The following IMPA2 variants were observed in gnomAD, a reference collection of about 807,000 sequenced individuals.
IMPA2 encodes the protein IMP 2.
IMPA2 carries 32 observed loss-of-function variants against 35.1 expected under a neutral mutation model. The observed-to-expected ratio is 0.91, with a 90% CI of 0.69 to 1.23. The LOEUF is 1.23. Ranked by LOEUF, IMPA2 falls within the 50% of genes most tolerant of loss-of-function variation. IMPA2 has a pLI of 0.00. For missense variants in IMPA2, 334 were observed against 387.6 expected, an observed-to-expected ratio of 0.86 and a Z score of 1.16; for synonymous variants, 135 against 160.6, an observed-to-expected ratio of 0.84 and a Z score of 1.20.
intron 7 of IMPA2, 45 bp from the exon 8 acceptor site, chr18:12,030,298 C>T: frequency 7.0e-7 from 1 of 1,429,428 alleles, no homozygotes; most frequent in Non-Finnish European, 9.9e-7. Context: ...ATTGTTCAGC[C>T]CTCTCTGGTA....
At chr18:12,014,035 T>C (rs1324853393) in intron 4 of IMPA2, among the ~76,000 whole-genome samples, 1 of 152,240 alleles carries the variant, frequency 6.6e-6, no homozygotes, top group Admixed American at 6.5e-5. Flanking sequence ...TGTCTGAATA[T>C]ATTTTAAAAT....
rs776707069 is a variant in IMPA2 at position 12,010,843 on chromosome 18, A to T, written c.335+856A>T. Among the ~76,000 whole-genome samples, 1 of 152,198 alleles carries T rather than the reference A, an allele frequency of 6.6e-6. No individual in the cohort carries two copies. The highest frequency in any genetic ancestry group is 2.4e-5 in the African/African-American group (1 of 41,454). On this transcript the variant is annotated intron_variant, in intron 3 of 7. Transcript: ENST00000269159. This position sits in a 1 kb window ranked among gnomAD's most constrained non-coding sequence, Gnocchi z 4.8. ...TATATGTAAAACATGAAGTTATTCC[A>T]TGCTAAGCACAGCCTTTTTCTAGGT...
intron 6 of IMPA2, 101 bp downstream of exon 6, chr18:12,028,252 G>C: frequency 1.3e-6 from 1 of 741,942 alleles, no homozygotes. Flanking sequence ...AGCCTGACGT[G>C]GAAAGAGTGG....
rs541552888 is a variant in IMPA2, at chr18:11,999,952, C to T, written c.230+765C>T. Reference sequence around the variant, plus strand: ...CCTCTAGAGTTCTGCAGTATAAATGCTGAAGACCATGCAAGGGATCTTTTT... The same window carrying T: ...CCTCTAGAGTTCTGCAGTATAAATGTTGAAGACCATGCAAGGGATCTTTTT... On this transcript the variant is annotated intron_variant, in intron 2 of 7. Coordinates refer to ENST00000269159, the MANE Select transcript of IMPA2 (RefSeq NM_014214.3). Among the ~76,000 whole-genome samples the T allele has an allele frequency of 6.6e-5, 10 of 152,308 alleles. No homozygotes were observed. The East Asian group carries it at 1.9e-3, about 29-fold the overall frequency.
In IMPA2 at chr18:12,028,145, C is replaced by A; in HGVS notation, c.593C>A (p.Ala198Glu). ...SNMERLLHAK[A>E]HGVRVIGSST... ...ATGGAGCGGCTGCTGCATGCCAAGG[C>A]GCATGGGTAGGAGGTTCAGTTCGGG... The change falls in exon 6 of 8, where the codon GCG becomes GAG. Residue 198 changes from alanine to glutamate, a missense_variant. Physicochemically the swap from Ala to Glu is moderately radical, Grantham distance 107. Transcript: ENST00000269159. 1 of 1,607,326 alleles carries A rather than the reference C, an allele frequency of 6.2e-7. No homozygotes were observed. The highest frequency in any genetic ancestry group is 8.5e-7 in the Non-Finnish European group (1 of 1,173,920).
At position 12,010,205 on chromosome 18, in the gene IMPA2, G is replaced by C. The variant is rs1484939266; in HGVS notation, c.335+218G>C. Reference sequence around the variant, plus strand: ...GGAGTATGTTAGGAAATCTGCACTTGTTTAAAAACCAGTTTGTTATGTTAA... The same window carrying C: ...GGAGTATGTTAGGAAATCTGCACTTCTTTAAAAACCAGTTTGTTATGTTAA... On this transcript the variant is annotated intron_variant, in intron 3 of 7. Transcript: ENST00000269159. This position sits in a 1 kb window ranked among gnomAD's most constrained non-coding sequence, Gnocchi z 4.8. 7 of 475,558 alleles carry C rather than the reference G, an allele frequency of 1.5e-5. No homozygotes were observed. The highest frequency in any genetic ancestry group is 2.2e-5 in the Non-Finnish European group (6 of 269,142). 29.5% of individuals were successfully genotyped at this position (475,558 alleles called of 1,614,324 possible).
intron 5 of IMPA2, among the ~76,000 whole-genome samples, chr18:12,027,287 C>T (rs1388478951): frequency 6.6e-6 from 1 of 152,192 alleles, no homozygotes; most frequent in African/African-American, 2.4e-5. Flanking sequence ...TCACGTCCTG[C>T]CCTGAGCCAG....
chr18:12,027,086 G>A (rs551231785), intron 5 of IMPA2, among the ~76,000 whole-genome samples: 5 of 152,362 alleles, frequency 3.3e-5, no homozygotes, highest in African/African-American at 1.2e-4. Context: ...TAATGTGATA[G>A]GATTTGTTTC....
intron 1 of IMPA2, chr18:11,993,921 T>G (rs1906884530): frequency 6.6e-6 from 1 of 152,118 alleles, no homozygotes; most frequent in South Asian, 2.1e-4. Flanking sequence ...TGAGGCCAGG[T>G]CTAGTGGAAG....
At chr18:11,997,711 G>A (rs77735308) in intron 1 of IMPA2, among the ~76,000 whole-genome samples, 510 of 152,282 alleles carry the variant, frequency 3.3e-3, no homozygotes, top group African/African-American at 0.011. Context: ...ATCAGAAGAC[G>A]TGATGGATGT....
chr18:12,026,034 A>ATT (rs35644462), intron 5 of IMPA2, among the ~76,000 whole-genome samples: 3 of 109,864 alleles, frequency 2.7e-5, no homozygotes, highest in African/African-American at 3.3e-5. Flanking sequence ...TCAAAAGAGC[A>ATT]TTTTTTTTTT....
At chr18:12,016,189 G>A (rs1907573666) in intron 5 of IMPA2, among the ~76,000 whole-genome samples, 1 of 152,222 alleles carries the variant, frequency 6.6e-6, no homozygotes, top group Non-Finnish European at 1.5e-5. Flanking sequence ...GTTCCCTACA[G>A]TACCTGTCTC....
intron 5 of IMPA2, among the ~76,000 whole-genome samples, chr18:12,020,175 TATTTATTG>T (rs1907688626): frequency 6.7e-6 from 1 of 148,998 alleles, no homozygotes; most frequent in Admixed American, 6.7e-5. Flanking sequence ...ACTCGGCCTT[TATTTATTG>T]ATTGATTGAT....
chr18:12,016,710 C>T (rs1029632050), intron 5 of IMPA2, among the ~76,000 whole-genome samples: 1 of 152,184 alleles, frequency 6.6e-6, no homozygotes, highest in Non-Finnish European at 1.5e-5. Context: ...TGAGCCACCA[C>T]ACCTGGCCGA....
chr18:12,018,955 C>T (rs565525903), intron 5 of IMPA2, among the ~76,000 whole-genome samples: 192 of 152,172 alleles, frequency 1.3e-3, no homozygotes, highest in Non-Finnish European at 2.3e-3. Context: ...TCCCAAGTAG[C>T]TAGGACTACA....
At chr18:11,990,202 C>G (rs1472304729) in intron 1 of IMPA2, among the ~76,000 whole-genome samples, 1 of 152,196 alleles carries the variant, frequency 6.6e-6, no homozygotes. Context: ...CTTCTGCAGG[C>G]TGGCGCCCTG....
chr18:12,009,331 C>G (rs997177776), intron 2 of IMPA2, among the ~76,000 whole-genome samples: 10 of 152,076 alleles, frequency 6.6e-5, no homozygotes, highest in African/African-American at 2.4e-4. Flanking sequence ...GGAAGGGCAC[C>G]TTTGGGAAAT....
intron 1 of IMPA2, among the ~76,000 whole-genome samples, chr18:11,998,327 C>T (rs1398692627): frequency 1.3e-5 from 2 of 152,194 alleles, no homozygotes; most frequent in Non-Finnish European, 2.9e-5. Flanking sequence ...AGTCCTTGCT[C>T]CTATGTATAG....
At chr18:12,024,322 A>G (rs1907816867) in intron 5 of IMPA2, among the ~76,000 whole-genome samples, 1 of 152,192 alleles carries the variant, frequency 6.6e-6, no homozygotes, top group Admixed American at 6.5e-5. Flanking sequence ...TGTCTCTACT[A>G]AAAATACAAA....
Sources: allele counts gnomAD v4.1 joint callset (sites outside exome capture counted in the v4.1 genomes callset), GRCh38; gene constraint gnomAD v4.1.1; non-coding constraint Gnocchi (gnomAD v3.1); transcripts MANE v1.5; gene names NCBI Gene and HGNC (gene_info 2026-07-23, HGNC 2026-07-21).